ADK: variants seen among roughly 807,000 people sequenced by gnomAD.
The protein encoded by ADK is adenosine kinase, also known as N6,N6-dimethyladenosine kinase.
ADK carries 24 observed loss-of-function variants against 44.7 expected under a neutral mutation model. That is an observed-to-expected ratio of 0.54 (90% CI 0.39 to 0.76). ADK has a LOEUF of 0.76. Ranked by LOEUF, ADK falls within the 30% of genes least tolerant of loss-of-function variation. The pLI is 0.00. For missense variants in ADK, 321 were observed against 425.1 expected, an observed-to-expected ratio of 0.76 and a Z score of 2.15; for synonymous variants, 128 against 142.6, an observed-to-expected ratio of 0.90 and a Z score of 0.73.
rs376310400 is a variant in ADK at position 74,182,137 on chromosome 10, C to A, written c.66-18627C>A. 3.1e-4 allele frequency among the ~76,000 whole-genome samples: 47 copies of A among 152,264 alleles called. 1 individual carries two copies. The Middle Eastern group carries it at 0.01, about 33-fold the overall frequency. ...CATTCATATGGAGACTAAAATCTGG[C>A]TAAGATTGAAACTGTCTTTGTTGAG... On this transcript the variant is annotated intron_variant, in intron 1 of 10. Transcript: ENST00000539909.
At chr10:74,160,815 T>C (rs1232104425) in intron 1 of ADK, among the ~76,000 whole-genome samples, 1 of 151,912 alleles carries the variant, frequency 6.6e-6, no homozygotes, top group Non-Finnish European at 1.5e-5. Context: ...ATGGGTACAC[T>C]GTAATCAACA....
intron 4 of ADK, among the ~76,000 whole-genome samples, chr10:74,353,407 G>T (rs1250245315): frequency 6.6e-6 from 1 of 152,002 alleles, no homozygotes; most frequent in Non-Finnish European, 1.5e-5. Flanking sequence ...GGGCCAGCTG[G>T]TGGGTAGGGG....
intron 7 of ADK, among the ~76,000 whole-genome samples, chr10:74,580,579 A>AT (rs1851340011): frequency 6.6e-6 from 1 of 151,782 alleles, no homozygotes; most frequent in Non-Finnish European, 1.5e-5. Context: ...CCATCTAAAA[A>AT]AAAAAAAAAA....
intron 5 of ADK, among the ~76,000 whole-genome samples, chr10:74,395,058 A>G (rs1037228601): frequency 9.2e-5 from 14 of 152,144 alleles, no homozygotes; most frequent in Non-Finnish European, 1.5e-5. Context: ...CCCCTTTGCA[A>G]GGGAAAAACA....
At position 74,229,300 on chromosome 10, in the gene ADK, T is replaced by G. The variant is rs541174315; in HGVS notation, c.194+4709T>G. On this transcript the variant is annotated intron_variant, in intron 3 of 10. Transcript: ENST00000539909. Reference sequence around the variant, plus strand: ...AAAATGTAATTTCTTAGTGAATAGGTCAATTTCCAAACCAGCAGGAAAGTT... The same window carrying G: ...AAAATGTAATTTCTTAGTGAATAGGGCAATTTCCAAACCAGCAGGAAAGTT... 2.0e-5 allele frequency among the ~76,000 whole-genome samples: 3 copies of G among 151,976 alleles called. No individual in the cohort carries two copies. In the South Asian group the frequency reaches 6.2e-4, roughly 32 times the overall value.
chr10:74,313,582 G>A (rs1840521166), intron 3 of ADK, among the ~76,000 whole-genome samples: 1 of 151,768 alleles, frequency 6.6e-6, no homozygotes, highest in Non-Finnish European at 1.5e-5. Context: ...CACATTATAT[G>A]CTTTAAAGGT....
chr10:74,704,358 A>G (rs1311177159), intron 10 of ADK, among the ~76,000 whole-genome samples: 1 of 152,234 alleles, frequency 6.6e-6, no homozygotes, highest in Non-Finnish European at 1.5e-5. Context: ...ATTTTTCAAA[A>G]TAAAAAAGTA....
At chr10:74,199,523 C>CT (rs1405467815) in intron 1 of ADK, among the ~76,000 whole-genome samples, 10 of 151,980 alleles carry the variant, frequency 6.6e-5, no homozygotes, top group East Asian at 1.9e-4. Context: ...TGATTTCGTT[C>CT]TTTTTTTATG....
intron 6 of ADK, among the ~76,000 whole-genome samples, chr10:74,504,222 CTGT>C (rs537854494): frequency 3.3e-4 from 50 of 151,884 alleles, no homozygotes; most frequent in Admixed American, 8.5e-4. Flanking sequence ...AAAATAATTA[CTGT>C]TGTTGTTTTT....
chr10:74,553,612 C>T (rs934771552), intron 7 of ADK, among the ~76,000 whole-genome samples: 1 of 152,052 alleles, frequency 6.6e-6, no homozygotes, highest in South Asian at 2.1e-4. Flanking sequence ...GAGTCAGATG[C>T]AAAACAGTAT....
chr10:74,245,747 C>T (rs776687920), intron 3 of ADK, among the ~76,000 whole-genome samples: 6 of 151,886 alleles, frequency 4.0e-5, no homozygotes, highest in African/African-American at 1.2e-4. Context: ...TGCACCATCA[C>T]GCCTGGCTAA....
At chr10:74,561,034 C>A (rs1190412636) in intron 7 of ADK, among the ~76,000 whole-genome samples, 1 of 152,106 alleles carries the variant, frequency 6.6e-6, no homozygotes, top group African/African-American at 2.4e-5. Context: ...CAAAACAGAA[C>A]AACAAAATTG....
intron 10 of ADK, among the ~76,000 whole-genome samples, chr10:74,693,062 G>A (rs1193000580): frequency 6.6e-6 from 1 of 152,134 alleles, no homozygotes; most frequent in Non-Finnish European, 1.5e-5. Context: ...ACTGTTTTGT[G>A]TGATACTTTA....
intron 4 of ADK, among the ~76,000 whole-genome samples, chr10:74,366,945 A>C (rs1842516478): frequency 6.6e-6 from 1 of 152,192 alleles, no homozygotes; most frequent in Non-Finnish European, 1.5e-5. Context: ...GCAAAACAAA[A>C]ACGCCCAAAT....
At chr10:74,543,104 G>A (rs1208944238) in intron 7 of ADK, among the ~76,000 whole-genome samples, 2 of 151,686 alleles carry the variant, frequency 1.3e-5, no homozygotes, top group Non-Finnish European at 2.9e-5. Context: ...GTTTCACCAT[G>A]TTAGCCAGGC....
At chr10:74,319,197 AAAC>A (rs1840730464) in intron 4 of ADK, among the ~76,000 whole-genome samples, 1 of 152,382 alleles carries the variant, frequency 6.6e-6, no homozygotes, top group African/African-American at 2.4e-5. Flanking sequence ...TGATAGAAAT[AAAC>A]AACAGAATAA....
At chr10:74,504,797 C>T (rs1025120987) in intron 6 of ADK, among the ~76,000 whole-genome samples, 1 of 152,014 alleles carries the variant, frequency 6.6e-6, no homozygotes, top group African/African-American at 2.4e-5. Context: ...TCTCATGTGC[C>T]CTCTCTCGCC....
intron 4 of ADK, among the ~76,000 whole-genome samples, chr10:74,389,377 A>G (rs897584599): frequency 5.3e-5 from 8 of 152,222 alleles, no homozygotes; most frequent in African/African-American, 1.4e-4. Context: ...TTGAGTATCA[A>G]AATGATAGGA....
At chr10:74,220,067 T>C (rs1053919725) in intron 2 of ADK, among the ~76,000 whole-genome samples, 2 of 151,748 alleles carry the variant, frequency 1.3e-5, no homozygotes, top group Non-Finnish European at 2.9e-5. Context: ...TTCAAAAAAT[T>C]AATGAATCCA....
Sources: gnomAD v4.1 joint callset for allele counts (sites outside exome capture counted in the v4.1 genomes callset) on GRCh38, gnomAD v4.1.1 for gene constraint, MANE v1.5 for transcripts, NCBI Gene and HGNC (gene_info 2026-07-23, HGNC 2026-07-21) for gene names.